ART1: variants seen among roughly 807,000 people sequenced by gnomAD.
ART1 encodes the protein GPI-linked NAD(P)(+)--arginine ADP-ribosyltransferase 1.
A neutral mutation model predicts 27.0 loss-of-function variants in ART1; 29 were observed. The observed-to-expected ratio is 1.08, with a 90% CI of 0.80 to 1.47. The LOEUF is 1.47. ART1 is among the 40% of genes most tolerant of loss of function. The pLI is 0.00. For missense variants in ART1, 480 were observed against 423.0 expected (o/e 1.13, Z -1.18); for synonymous variants, 201 against 172.2 (o/e 1.17, Z -1.31).
chr11:3,655,910 A>G (rs2077570712), intron 1 of ART1, among the ~76,000 whole-genome samples: 1 of 149,882 alleles, frequency 6.7e-6, no homozygotes, highest in Non-Finnish European at 1.5e-5. Flanking sequence ...TCAAGAGACC[A>G]CAGACAAGAG....
chr11:3,652,621 A>T (rs923839280), intron 1 of ART1, among the ~76,000 whole-genome samples: 1 of 152,092 alleles, frequency 6.6e-6, no homozygotes, highest in Non-Finnish European at 1.5e-5. Flanking sequence ...GCCCCAGTCT[A>T]ATTCCAGACA....
intron 4 of ART1, among the ~76,000 whole-genome samples, chr11:3,663,277 G>C (rs1263302183): frequency 6.6e-6 from 1 of 152,186 alleles, no homozygotes; most frequent in African/African-American, 2.4e-5. Flanking sequence ...GTTTATGGCA[G>C]AGCCAGGACA....
chr11:3,664,046 T>C (rs2077642270), intron 4 of ART1, 46 bp from the exon 5 acceptor site: 1 of 1,598,468 alleles, frequency 6.3e-7, no homozygotes, highest in African/African-American at 1.3e-5. Context: ...AATACCTCTT[T>C]TTTTCTCTCT....
chr11:3,650,682 G>A (rs2077514371), intron 1 of ART1, among the ~76,000 whole-genome samples: 2 of 151,884 alleles, frequency 1.3e-5, no homozygotes, highest in Non-Finnish European at 1.5e-5. Context: ...ATCCCCACCT[G>A]CCCAGTTCCC....
intron 1 of ART1, among the ~76,000 whole-genome samples, chr11:3,653,746 C>G (rs534069992): frequency 6.6e-6 from 1 of 152,072 alleles, no homozygotes; most frequent in African/African-American, 2.4e-5. Context: ...TCTCACGTCC[C>G]CTATAGCCCA....
chr11:3,646,061 TTG>T (rs1190692421), intron 1 of ART1, among the ~76,000 whole-genome samples: 6 of 150,988 alleles, frequency 4.0e-5, no homozygotes, highest in South Asian at 2.1e-4. Flanking sequence ...TTTGTTTGTT[TTG>T]TTTTTTTTTT....
chr11:3,650,931 C>T (rs1184558963), intron 1 of ART1, among the ~76,000 whole-genome samples: 2 of 149,268 alleles, frequency 1.3e-5, no homozygotes, highest in Admixed American at 1.4e-4. Context: ...TGCCAGTATC[C>T]CATCCCACAG....
At chr11:3,653,506 T>C (rs1235268821) in intron 1 of ART1, among the ~76,000 whole-genome samples, 3 of 151,284 alleles carry the variant, frequency 2.0e-5, no homozygotes, top group African/African-American at 7.4e-5. Flanking sequence ...CCAAATCCTA[T>C]AAAACGGACC....
intron 1 of ART1, among the ~76,000 whole-genome samples, chr11:3,647,194 A>G (rs767896874): frequency 2.6e-5 from 4 of 152,088 alleles, no homozygotes; most frequent in Non-Finnish European, 5.9e-5. Context: ...ATGATGGCAC[A>G]TGCCTGTAAT....
In ART1 at chr11:3,653,178, C is replaced by T. The variant is rs1013143380; in HGVS notation, c.-52-5984C>T. ...CCCAAAAATTTTCACCGTCCCAACA[C>T]TTTACCACTATTTCATTTTATTTTT... is the stretch of plus-strand genomic sequence containing the variant. On this transcript the variant is annotated intron_variant, in intron 1 of 4. Transcript: ENST00000250693. Among the ~76,000 whole-genome samples the T allele has an allele frequency of 1.5e-4, 22 of 148,710 alleles. 2 individuals carry two copies. Among genetic ancestry groups the T allele is most frequent in the African/African-American group, 5.7e-4 (22 of 38,576 alleles).
chr11:3,659,062 G>A, intron 1 of ART1, 100 bp from the exon 2 acceptor site: 1 of 706,808 alleles, frequency 1.4e-6, no homozygotes, highest in South Asian at 1.8e-5. Context: ...GAGCCTCCAT[G>A]TCTGTCTTAT....
Position 3,664,185 on chromosome 11 carries a change from T to G in ART1, c.980T>G (p.Leu327Arg). The change falls in exon 5 of 5, where the codon CTT (leucine) becomes CGT (arginine). Residue 327 changes from leucine to arginine, a missense_variant. Leu to Arg is a moderately radical substitution (Grantham distance 102). Coordinates refer to ENST00000250693, the MANE Select transcript of ART1 (RefSeq NM_004314.3). ...VRAFPDGPGL[L>R] Reference sequence around the variant, plus strand: ...GCCTTTCCAGATGGTCCAGGCCTCCTTTGATGCATGAGACACGGGACAGCC... The same window carrying G: ...GCCTTTCCAGATGGTCCAGGCCTCCGTTGATGCATGAGACACGGGACAGCC... The G allele has an allele frequency of 1.2e-6, 2 of 1,613,790 alleles. No homozygotes were observed. Among genetic ancestry groups the G allele is most frequent in the African/African-American group, 2.7e-5 (2 of 75,046 alleles).
intron 1 of ART1, among the ~76,000 whole-genome samples, chr11:3,653,713 G>A (rs980043671): frequency 2.0e-5 from 3 of 152,088 alleles, no homozygotes; most frequent in African/African-American, 4.8e-5. Flanking sequence ...GGAAACCTGG[G>A]TGTCATCCTT....
chr11:3,663,767 T>C lies in ART1; in HGVS notation c.887-325T>C, dbSNP rs546882205. 5.2e-4 allele frequency: 125 copies of C among 238,584 alleles called. 2 individuals carry two copies. In the Middle Eastern group the frequency reaches 7.8e-3, roughly 15 times the overall value. 14.8% of individuals were successfully genotyped at this position (238,584 alleles called of 1,614,324 possible). A position where few individuals can be genotyped will look rare whatever the true frequency, so the allele number is the denominator to read the frequency against. ...ACTACGCCTGGCTACTTTTTGTATT[T>C]TTTGTAGAGAAGGGTTCTCCCTATG... On this transcript the variant is annotated intron_variant, in intron 4 of 4. Transcript: ENST00000250693.
chr11:3,653,309 A>C (rs2077541612), intron 1 of ART1, among the ~76,000 whole-genome samples: 1 of 148,632 alleles, frequency 6.7e-6, no homozygotes, highest in Admixed American at 6.6e-5. Context: ...TTCCTGCCTT[A>C]ACTGATGACA....
intron 1 of ART1, chr11:3,655,483 C>A (rs1392332250): frequency 6.6e-6 from 1 of 152,204 alleles, no homozygotes; most frequent in African/African-American, 2.4e-5. Flanking sequence ...TTTTGGCCTG[C>A]CCTGTGCTCA....
At chr11:3,655,077 A>G (rs2077560231) in intron 1 of ART1, among the ~76,000 whole-genome samples, 1 of 152,216 alleles carries the variant, frequency 6.6e-6, no homozygotes, top group Admixed American at 6.5e-5. Context: ...TGGCTTATCT[A>G]AACTGGACTT....
rs1206589258 is a variant in ART1, at chr11:3,664,252, G to A, written c.*63G>A. 1.3e-6 allele frequency: 2 copies of A among 1,487,346 alleles called. No individual in the cohort carries two copies. Among genetic ancestry groups the A allele is most frequent in the Non-Finnish European group, 1.9e-6 (2 of 1,073,448 alleles). 92.1% of individuals were successfully genotyped at this position (1,487,346 alleles called of 1,614,324 possible). A position where few individuals can be genotyped will look rare whatever the true frequency, so the allele number is the denominator to read the frequency against. On this transcript the variant is annotated 3_prime_UTR_variant, in exon 5 of 5. Coordinates refer to ENST00000250693, the MANE Select transcript of ART1 (RefSeq NM_004314.3). ...CCCATCCTGAGGATGTTGGCCATGTGTGCTTTCAGTGTAACCAAGATTCCT... is the reference window on the plus strand; with the variant it reads ...CCCATCCTGAGGATGTTGGCCATGTATGCTTTCAGTGTAACCAAGATTCCT...
chr11:3,653,502 C>A (rs1417393859), intron 1 of ART1, among the ~76,000 whole-genome samples: 2 of 151,050 alleles, frequency 1.3e-5, no homozygotes, highest in African/African-American at 2.5e-5. Flanking sequence ...CTACCCAAAT[C>A]CTATAAAACG....
Sources: allele counts gnomAD v4.1 joint callset (sites outside exome capture counted in the v4.1 genomes callset), GRCh38; gene constraint gnomAD v4.1.1; transcripts MANE v1.5; gene names NCBI Gene and HGNC (gene_info 2026-07-23, HGNC 2026-07-21).